Variants in FOXR1 observed in about 807,000 individuals in gnomAD.
FOXR1 encodes forkhead box R1, also known as forkhead box protein R1.
Under a neutral mutation model 34.5 loss-of-function variants are expected in FOXR1, and 25 were observed. The observed-to-expected ratio is 0.72, with a 90% CI of 0.53 to 1.01. The LOEUF is 1.01. Ranked by LOEUF, FOXR1 falls within the 50% of genes least tolerant of loss-of-function variation. The pLI, the probability that FOXR1 is intolerant of heterozygous loss-of-function variation, is 0.00. For missense variants in FOXR1, 373 were observed against 376.2 expected, an observed-to-expected ratio of 0.99 and a Z score of 0.07; for synonymous variants, 153 against 141.6, an observed-to-expected ratio of 1.08 and a Z score of -0.57.
chr11:118,973,310 G>T (rs1941738519), intron 1 of FOXR1, among the ~76,000 whole-genome samples: 1 of 152,182 alleles, frequency 6.6e-6, no homozygotes, highest in Non-Finnish European at 1.5e-5. Flanking sequence ...TAATAAATGG[G>T]TAGATCATAT....
chr11:118,973,671 A>G (rs534624841), intron 1 of FOXR1, among the ~76,000 whole-genome samples: 43 of 149,978 alleles, frequency 2.9e-4, no homozygotes, highest in Middle Eastern at 7.1e-3. Context: ...CTAGAATTAC[A>G]GGTGTGAGCC....
At chr11:118,973,990 G>T (rs1004753640) in intron 1 of FOXR1, among the ~76,000 whole-genome samples, 6 of 152,038 alleles carry the variant, frequency 3.9e-5, no homozygotes, top group African/African-American at 1.4e-4. Flanking sequence ...GAGCCACCGC[G>T]CCAGGCCACA....
In FOXR1 at chr11:118,980,697, AG is replaced by A. The variant is rs1941849579; in HGVS notation, c.820del (p.Glu274LysfsTer7). On this transcript the variant is annotated frameshift_variant, in exon 5 of 6. Coordinates refer to ENST00000317011, the MANE Select transcript of FOXR1 (RefSeq NM_181721.3). LOFTEE classifies it high-confidence loss of function. ...CCCGCGCCTTGGCTTCCACTCGGCT[AG>A]AAAGTATCCAACAGTGCATGAGCCA... is the stretch of plus-strand genomic sequence containing the variant. ...EARALASTRL[E>X]SIQQCMSQPD... The A allele has an allele frequency of 6.2e-7, 1 of 1,613,630 alleles. No individual in the cohort carries two copies. The highest frequency in any genetic ancestry group is 1.7e-5 in the Admixed American group (1 of 60,012).
chr11:118,972,129 GCCC>G (rs764442884), intron 1 of FOXR1, 137 bp downstream of exon 1: 64 of 361,458 alleles, frequency 1.8e-4, no homozygotes, highest in Middle Eastern at 9.5e-4. Context: ...AGCGCCCCGC[GCCC>G]CCCCCCCCCG....
intron 1 of FOXR1, among the ~76,000 whole-genome samples, chr11:118,974,003 TAC>T (rs1428797741): frequency 1.3e-5 from 2 of 152,118 alleles, no homozygotes; most frequent in African/African-American, 4.8e-5. Flanking sequence ...AGGCCACAGC[TAC>T]AGTTTTAAAT....
chr11:118,981,010 A>T (rs970806246), intron 5 of FOXR1, among the ~76,000 whole-genome samples, 198 bp from the exon 6 acceptor site: 1 of 152,198 alleles, frequency 6.6e-6, no homozygotes, highest in Non-Finnish European at 1.5e-5. Context: ...AGCACACAAC[A>T]TGAGAAGCAC....
rs1019003386 is a variant in FOXR1 at position 118,971,810 on chromosome 11, A to G, written c.-122A>G. 1 of 1,079,470 alleles carries G rather than the reference A, an allele frequency of 9.3e-7. No homozygotes were observed. The highest frequency in any genetic ancestry group is 2.6e-5 in the East Asian group (1 of 38,514). The allele number at this position is 1,079,470 out of a possible 1,614,324, so 66.9% of individuals were successfully genotyped here. A position where few individuals can be genotyped will look rare whatever the true frequency, so the allele number is the denominator to read the frequency against. ...GTCGCTCCTCAGCCGCCGCGCTCCC[A>G]CTCCGCGTCCCCACTCCGCGCCGCC... On this transcript the variant is annotated 5_prime_UTR_variant, in exon 1 of 6. Coordinates refer to ENST00000317011, the MANE Select transcript of FOXR1 (RefSeq NM_181721.3).
In FOXR1 at chr11:118,971,977, T is replaced by C; in HGVS notation, c.46T>C (p.Leu16=). Residue 16 remains leucine (L), a synonymous_variant, in exon 1 of 6, where the codon TTA becomes CTA. Transcript: ENST00000317011. ...FLAFTTSHLP[L]AEQKLARYKL... ...GGCCTTCACCACATCTCACCTCCCC[T>C]TAGCGGAGCAGAAACGTGAGTAGCG... The C allele has an allele frequency of 1.3e-6, 2 of 1,551,868 alleles. No individual in the cohort carries two copies. Among genetic ancestry groups the C allele is most frequent in the Admixed American group, 2.0e-5 (1 of 51,076 alleles).
Position 118,980,411 on chromosome 11 carries a change from C to T in FOXR1, c.612-79C>T, listed in dbSNP as rs1332870973. 4.2e-5 allele frequency: 64 copies of T among 1,509,162 alleles called. 2 individuals carry two copies. The South Asian group carries it at 7.1e-4, about 17-fold the overall frequency. 93.5% of individuals were successfully genotyped at this position (1,509,162 alleles called of 1,614,324 possible). ...GGAGAGAAGGGCTAAAGCCCCTGGC[C>T]CCTGGGTAGAACATGCCCCAGAGAA... On this transcript the variant is annotated intron_variant, in intron 4 of 5. Coordinates refer to ENST00000317011, the MANE Select transcript of FOXR1 (RefSeq NM_181721.3).
At position 118,979,535 on chromosome 11, in the gene FOXR1, C is replaced by A. The variant is rs1305745935; in HGVS notation, c.478C>A (p.Leu160Ile). The change falls in exon 4 of 6, where the codon CTT (leucine) becomes ATT (isoleucine). Residue 160 changes from leucine to isoleucine, a missense_variant. Physicochemically the swap from Leu to Ile is conservative, Grantham distance 5. Coordinates refer to ENST00000317011, the MANE Select transcript of FOXR1 (RefSeq NM_181721.3). ...AAGGGCCCCCCTCCAGAGTCGGAGG[C>A]TTCGGCAAGCCAGCAGCCAGGCGGG... ...HKRAPLQSRR[L>I]RQASSQAGRL... 1 of 1,613,648 alleles carries A rather than the reference C, an allele frequency of 6.2e-7. No individual in the cohort carries two copies. Among genetic ancestry groups the A allele is most frequent in the African/African-American group, 1.3e-5 (1 of 74,930 alleles).
Position 118,971,847 on chromosome 11 carries a change from A to T in FOXR1, c.-85A>T. 6.9e-7 allele frequency: 1 copy of T among 1,459,180 alleles called. No homozygotes were observed. The highest frequency in any genetic ancestry group is 1.2e-5 in the South Asian group (1 of 82,258). The allele number at this position is 1,459,180 out of a possible 1,614,324, so 90.4% of individuals were successfully genotyped here. On this transcript the variant is annotated 5_prime_UTR_variant, in exon 1 of 6. Coordinates refer to ENST00000317011, the MANE Select transcript of FOXR1 (RefSeq NM_181721.3). ...CACTCCGCGCCGCCGCGCCTCTGCC[A>T]GCCCCGAAGGTGGACGTGAAGCTCC...
intron 5 of FOXR1, 139 bp downstream of exon 5, chr11:118,980,867 C>T (rs1332196937): frequency 1.0e-5 from 9 of 870,492 alleles, no homozygotes; most frequent in Non-Finnish European, 1.4e-5. Context: ...TAACAGTGAT[C>T]TGAGACCCTC....
chr11:118,971,974 C>T lies in FOXR1; in HGVS notation c.43C>T (p.Pro15Ser), dbSNP rs2134476687. Reference protein sequence around the residue: ...LFLAFTTSHLPLAEQKLARYK... With the variant: ...LFLAFTTSHLSLAEQKLARYK... ...TCTGGCCTTCACCACATCTCACCTC[C>T]CCTTAGCGGAGCAGAAACGTGAGTA... is the stretch of plus-strand genomic sequence containing the variant. Residue 15 changes from proline (P) to serine (S), a missense_variant, in exon 1 of 6, where the codon CCC (proline) becomes TCC (serine). Transcript: ENST00000317011. The T allele has an allele frequency of 6.4e-7, 1 of 1,552,184 alleles. No homozygotes were observed. The highest frequency in any genetic ancestry group is 1.4e-5 in the African/African-American group (1 of 73,210).
intron 1 of FOXR1, among the ~76,000 whole-genome samples, chr11:118,972,683 C>A (rs1941728439): frequency 6.6e-6 from 1 of 151,350 alleles, no homozygotes; most frequent in Non-Finnish European, 1.5e-5. Flanking sequence ...AGTGCAGTGG[C>A]GCGATCTCGG....
chr11:118,972,134 C>G (rs1446993189), intron 1 of FOXR1, 142 bp downstream of exon 1: 4 of 567,376 alleles, frequency 7.1e-6, no homozygotes, highest in East Asian at 3.5e-5. Flanking sequence ...CCCGCGCCCC[C>G]CCCCCCCGAC....
At chr11:118,978,213 A>G (rs540908632) in intron 1 of FOXR1, among the ~76,000 whole-genome samples, 38 of 134,498 alleles carry the variant, frequency 2.8e-4, no homozygotes, top group African/African-American at 1.0e-3. Context: ...GCGAGACTCC[A>G]TCTGAAAAAA....
intron 2 of FOXR1, 50 bp from the exon 3 acceptor site, chr11:118,978,907 G>GGGCA (rs1235623329): frequency 6.2e-7 from 1 of 1,613,952 alleles, no homozygotes; most frequent in Non-Finnish European, 8.5e-7. Flanking sequence ...TGGAGACCAG[G>GGGCA]GGCACCCAAA....
Position 118,979,423 on chromosome 11 carries a change from C to T in FOXR1, c.385-19C>T. Reference sequence around the variant, plus strand: ...GAGGCTGAGGAGTCAGGACCAGTTCCTACTCTGTGCTCCTCTAGCTCACAG... The same window carrying T: ...GAGGCTGAGGAGTCAGGACCAGTTCTTACTCTGTGCTCCTCTAGCTCACAG... On this transcript the variant is annotated intron_variant, in intron 3 of 5. Coordinates refer to ENST00000317011, the MANE Select transcript of FOXR1 (RefSeq NM_181721.3). 1 of 1,584,120 alleles carries T rather than the reference C, an allele frequency of 6.3e-7. No individual in the cohort carries two copies. The highest frequency in any genetic ancestry group is 1.2e-5 in the South Asian group (1 of 86,946).
At chr11:118,979,789 C>A in intron 4 of FOXR1, 121 bp downstream of exon 4, 1 of 831,652 alleles carries the variant, frequency 1.2e-6, no homozygotes, top group Non-Finnish European at 1.8e-6. Context: ...TCTGAGAGGA[C>A]AAGTATGTTC....
Sources: gnomAD v4.1 joint callset for allele counts (sites outside exome capture counted in the v4.1 genomes callset) on GRCh38, gnomAD v4.1.1 for gene constraint, MANE v1.5 for transcripts, NCBI Gene and HGNC (gene_info 2026-07-23, HGNC 2026-07-21) for gene names.